RALGAPA2: variants seen among roughly 807,000 people sequenced by gnomAD.
The protein encoded by RALGAPA2 is Ral GTPase activating protein catalytic subunit alpha 2.
RALGAPA2 carries 139 observed loss-of-function variants against 230.4 expected under a neutral mutation model. That is an observed-to-expected ratio of 0.60 (90% CI 0.53 to 0.69). The LOEUF (loss-of-function observed/expected upper bound fraction) is 0.69, where lower values mean the gene tolerates loss of function less well. Among genes scored for constraint, RALGAPA2 ranks in the 30% least tolerant of loss-of-function variants. The pLI is 0.00. For synonymous variants in RALGAPA2, 847 were observed against 837.8 expected (o/e 1.01, Z -0.19); for missense variants, 2,163 against 2,276.0 (o/e 0.95, Z 1.01).
At position 20,583,730 on chromosome 20, in the gene RALGAPA2, A is replaced by G. The variant is rs184628484; in HGVS notation, c.2531-504T>C. On this transcript the variant is annotated intron_variant, in intron 19 of 39. Transcript: ENST00000202677. ...AGTGTCCCAATACAACAGATTTTCTAGAACAGAAATTCTCCCCTTTAAACA... is the reference window on the plus strand; with the variant it reads ...AGTGTCCCAATACAACAGATTTTCTGGAACAGAAATTCTCCCCTTTAAACA... Among the ~76,000 whole-genome samples the G allele has an allele frequency of 7.2e-4, 110 of 152,326 alleles. 1 individual carries two copies. Among genetic ancestry groups the G allele is most frequent in the Admixed American group, 1.5e-3 (23 of 15,298 alleles).
At chr20:20,618,636 G>A (rs369176359) in intron 12 of RALGAPA2, among the ~76,000 whole-genome samples, 25 of 152,122 alleles carry the variant, frequency 1.6e-4, no homozygotes, top group African/African-American at 5.8e-4. Context: ...GAAGGGTGGC[G>A]GGCGAGGGGG....
chr20:20,683,698 GCC>G (rs2068600026), intron 1 of RALGAPA2, among the ~76,000 whole-genome samples: 1 of 152,112 alleles, frequency 6.6e-6, no homozygotes, highest in Non-Finnish European at 1.5e-5. Flanking sequence ...ATTTTACAAA[GCC>G]CCTGACTCAA....
chr20:20,508,622 T>TACATC (rs1200494998), intron 33 of RALGAPA2, among the ~76,000 whole-genome samples: 1 of 152,198 alleles, frequency 6.6e-6, no homozygotes, highest in Non-Finnish European at 1.5e-5. Context: ...AAGAAGGAAC[T>TACATC]ATACATCAAG....
chr20:20,540,883 G>A (rs1480302447), intron 24 of RALGAPA2, among the ~76,000 whole-genome samples: 1 of 151,594 alleles, frequency 6.6e-6, no homozygotes, highest in Non-Finnish European at 1.5e-5. Flanking sequence ...TATGTCTTTG[G>A]GGATGTGTTG....
At chr20:20,646,655 G>A (rs143167638) in intron 4 of RALGAPA2, among the ~76,000 whole-genome samples, 3 of 152,186 alleles carry the variant, frequency 2.0e-5, no homozygotes, top group East Asian at 1.9e-4. Flanking sequence ...CAGTAAAAAC[G>A]TCAGGGCTGC....
In RALGAPA2 at chr20:20,571,480, AG is replaced by A; in HGVS notation, c.3133del (p.Leu1045TrpfsTer3). The A allele has an allele frequency of 6.2e-7, 1 of 1,612,612 alleles. No homozygotes were observed. Among genetic ancestry groups the A allele is most frequent in the Non-Finnish European group, 8.5e-7 (1 of 1,179,576 alleles). On this transcript the variant is annotated frameshift_variant, in exon 23 of 40. Transcript: ENST00000202677. LOFTEE classifies it high-confidence loss of function. The stretch of plus-strand genomic sequence containing the variant: ...TACCTGATCCTCGCTGGTTAATCCC[AG>A]GTGCATCACAAGGTAAAAATGCACC... ...FLVHFYLVMH[L>X]GLTSEDQDIL... is the part of the protein sequence containing the mutation.
intron 2 of RALGAPA2, among the ~76,000 whole-genome samples, chr20:20,680,329 T>C (rs1430034030): frequency 1.3e-5 from 2 of 152,278 alleles, no homozygotes; most frequent in African/African-American, 4.8e-5. Context: ...AGTGGTTGCC[T>C]CTGCAAGCAG....
At chr20:20,454,978 A>G (rs2061076645) in intron 37 of RALGAPA2, among the ~76,000 whole-genome samples, 1 of 152,234 alleles carries the variant, frequency 6.6e-6, no homozygotes, top group African/African-American at 2.4e-5. Flanking sequence ...ACAAAGTCTG[A>G]GAAGGGAATG....
intron 20 of RALGAPA2, among the ~76,000 whole-genome samples, chr20:20,574,184 G>C (rs1336246167): frequency 6.6e-6 from 1 of 152,140 alleles, no homozygotes; most frequent in Non-Finnish European, 1.5e-5. Context: ...TTCATTTGCA[G>C]TTCTCCAGTG....
intron 1 of RALGAPA2, among the ~76,000 whole-genome samples, chr20:20,696,328 T>G (rs1323850696): frequency 6.6e-6 from 1 of 152,194 alleles, no homozygotes; most frequent in South Asian, 2.1e-4. Context: ...GGTCGGTTTT[T>G]GGGCCAAAGA....
intron 37 of RALGAPA2, among the ~76,000 whole-genome samples, chr20:20,454,802 G>C (rs928367582): frequency 7.2e-5 from 11 of 152,220 alleles, no homozygotes; most frequent in Non-Finnish European, 1.5e-4. Context: ...TTGTGGGAAA[G>C]TACATGCTAG....
chr20:20,398,965 C>T lies in RALGAPA2; in HGVS notation c.5618-2231G>A, dbSNP rs372144495. On this transcript the variant is annotated intron_variant, in intron 38 of 39. Coordinates refer to ENST00000202677, the MANE Select transcript of RALGAPA2 (RefSeq NM_020343.4). This position sits in a 1 kb window ranked among gnomAD's most constrained non-coding sequence, Gnocchi z 4.5. ...TAAGTACTGTAAGTAAACAGATACA[C>T]AGTGTTTCTGTGGTGTTTCAGGGGA... is the stretch of plus-strand genomic sequence containing the variant. Among the ~76,000 whole-genome samples, 48 of 152,262 alleles carry T rather than the reference C, an allele frequency of 3.2e-4. No individual in the cohort carries two copies. Among genetic ancestry groups the T allele is most frequent in the African/African-American group, 1.1e-3 (46 of 41,560 alleles).
chr20:20,410,560 T>A (rs2060039073), intron 38 of RALGAPA2, among the ~76,000 whole-genome samples: 1 of 152,258 alleles, frequency 6.6e-6, no homozygotes, highest in East Asian at 1.9e-4. Context: ...AGATCCCTCA[T>A]GTTCTTTCAC....
rs1453516129 is a variant in RALGAPA2 at position 20,505,604 on chromosome 20, C to A, written c.4929-70G>T. The stretch of plus-strand genomic sequence containing the variant: ...AATTTTACTTCACTACTATTAATAC[C>A]ACCAGCATGACTTCTACCACTGAGC... On this transcript the variant is annotated intron_variant, in intron 33 of 39. Coordinates refer to ENST00000202677, the MANE Select transcript of RALGAPA2 (RefSeq NM_020343.4). 3.0e-6 allele frequency: 4 copies of A among 1,315,608 alleles called. No homozygotes were observed. In the East Asian group the frequency reaches 1.0e-4, roughly 34 times the overall value. The allele number at this position is 1,315,608 out of a possible 1,614,324, so 81.5% of individuals were successfully genotyped here.
intron 3 of RALGAPA2, among the ~76,000 whole-genome samples, chr20:20,658,247 A>G (rs951076647): frequency 2.0e-5 from 3 of 152,206 alleles, no homozygotes; most frequent in Non-Finnish European, 4.4e-5. Context: ...AGGCTGAAAC[A>G]TTACCCACAC....
At chr20:20,557,598 G>A (rs573895286) in intron 23 of RALGAPA2, among the ~76,000 whole-genome samples, 10 of 152,258 alleles carry the variant, frequency 6.6e-5, no homozygotes, top group South Asian at 6.2e-4. Context: ...AGATTTAATC[G>A]ACACTGCCAA....
At position 20,694,143 on chromosome 20, in the gene RALGAPA2, T is replaced by A. The variant is rs1469832028; in HGVS notation, c.107-13342A>T. The stretch of plus-strand genomic sequence containing the variant: ...AATTTCAAAAAAGATACCGTAACTT[T>A]AAAAAAAAAAAAGTGAGGGAGGAGG... On this transcript the variant is annotated intron_variant, in intron 1 of 39. Coordinates refer to ENST00000202677, the MANE Select transcript of RALGAPA2 (RefSeq NM_020343.4). Among the ~76,000 whole-genome samples the A allele has an allele frequency of 3.5e-5, 5 of 143,766 alleles. No individual in the cohort carries two copies. The South Asian group carries it at 6.7e-4, about 19-fold the overall frequency. The allele number at this position is 143,766 out of a possible 152,430, so 94.3% of individuals were successfully genotyped here. A position where few individuals can be genotyped will look rare whatever the true frequency, so the allele number is the denominator to read the frequency against.
At chr20:20,503,216 C>T in intron 35 of RALGAPA2, 135 bp downstream of exon 35, 1 of 879,032 alleles carries the variant, frequency 1.1e-6, no homozygotes, top group Non-Finnish European at 1.6e-6. Context: ...CTTCTTTCCC[C>T]AAACCTTAAT....
At chr20:20,629,253 T>A in intron 10 of RALGAPA2, 110 bp downstream of exon 10, 1 of 850,276 alleles carries the variant, frequency 1.2e-6, no homozygotes, top group Non-Finnish European at 1.9e-6. Context: ...AACTCACCAA[T>A]TCTATTTGTT....
Sources: gnomAD v4.1 joint callset for allele counts (sites outside exome capture counted in the v4.1 genomes callset) on GRCh38, gnomAD v4.1.1 for gene constraint, Gnocchi (gnomAD v3.1) non-coding constraint, MANE v1.5 for transcripts, NCBI Gene and HGNC (gene_info 2026-07-23, HGNC 2026-07-21) for gene names.